The following SNRNP200 variants were observed in gnomAD, a reference collection of about 807,000 sequenced individuals.
SNRNP200 encodes U5 small nuclear ribonucleoprotein 200 kDa helicase.
In SNRNP200, 66 loss-of-function variants were observed where a neutral mutation model predicts 255.2. The ratio of observed to expected loss-of-function variants is 0.26; its 90% CI spans 0.21 to 0.32. SNRNP200 has a LOEUF of 0.32. SNRNP200 is among the 10% of genes least tolerant of loss of function. The pLI, the probability that SNRNP200 is intolerant of heterozygous loss-of-function variation, is 1.00. For missense variants in SNRNP200, 1,585 were observed against 2,749.8 expected, an observed-to-expected ratio of 0.58 and a Z score of 9.47; for synonymous variants, 939 against 1,027.8, an observed-to-expected ratio of 0.91 and a Z score of 1.65.
chr2:96,305,393 C>A lies in SNRNP200; in HGVS notation c.45G>T (p.Ala15=), dbSNP rs780417175. Residue 15 remains alanine (A), a splice_region_variant and synonymous_variant, in exon 1 of 45, where the codon GCG becomes GCT. Transcript: ENST00000323853. ...TARSLQYEYK[A]NSNLVLQADR... ...AATCCTTCCCCAAGACCAAACGCACCGCCTTGTACTCGTATTGCAGACTAC... is the reference window on the plus strand; with the variant it reads ...AATCCTTCCCCAAGACCAAACGCACAGCCTTGTACTCGTATTGCAGACTAC... 6.8e-6 allele frequency: 11 copies of A among 1,614,086 alleles called. No individual in the cohort carries two copies. The Admixed American group carries it at 1.3e-4, about 20-fold the overall frequency.
At chr2:96,284,664 G>T in intron 30 of SNRNP200, 79 bp from the exon 31 acceptor site, 2 of 984,766 alleles carry the variant, frequency 2.0e-6, no homozygotes, top group Non-Finnish European at 3.2e-6. Context: ...AACCTGAGAT[G>T]CCAAACAGAC....
chr2:96,275,493 T>G, intron 43 of SNRNP200, 144 bp from the exon 44 acceptor site: 2 of 749,736 alleles, frequency 2.7e-6, no homozygotes, highest in African/African-American at 3.5e-5. Flanking sequence ...GATTTAACAT[T>G]TTAATACTAT....
At position 96,283,744 on chromosome 2, in the gene SNRNP200, G is replaced by C; in HGVS notation, c.4585-31C>G. The C allele has an allele frequency of 6.2e-7, 1 of 1,614,016 alleles. No homozygotes were observed. The highest frequency in any genetic ancestry group is 8.5e-7 in the Non-Finnish European group (1 of 1,180,026). Reference sequence around the variant, plus strand: ...GACCGGGGAGAAGAAAAGACACCAAGGTTATCAGACCTGGGTCACTCAGGA... The same window carrying C: ...GACCGGGGAGAAGAAAAGACACCAACGTTATCAGACCTGGGTCACTCAGGA... On this transcript the variant is annotated intron_variant, in intron 32 of 44. Transcript: ENST00000323853. The surrounding 1 kb of genome is among the most constrained non-coding windows in gnomAD (Gnocchi z 4.7).
In SNRNP200 at chr2:96,278,721, C is replaced by T. The variant is rs774211595; in HGVS notation, c.5324-10G>A. 17 of 1,614,012 alleles carry T rather than the reference C, an allele frequency of 1.1e-5. No homozygotes were observed. The highest frequency in any genetic ancestry group is 5.0e-5 in the Admixed American group (3 of 59,988). On this transcript the variant is annotated splice_polypyrimidine_tract_variant and intron_variant, in intron 37 of 44. Coordinates refer to ENST00000323853, the MANE Select transcript of SNRNP200 (RefSeq NM_014014.5). The surrounding 1 kb of genome is among the most constrained non-coding windows in gnomAD (Gnocchi z 6.9). Reference sequence around the variant, plus strand: ...TGACGATGGGAGATGCCTATGGAGGCGAGAGGTGAGTGGGGAGCCTCAAGA... The same window carrying T: ...TGACGATGGGAGATGCCTATGGAGGTGAGAGGTGAGTGGGGAGCCTCAAGA...
At chr2:96,282,045 T>C (rs1684769914) in intron 34 of SNRNP200, 123 bp from the exon 35 acceptor site, 4 of 730,658 alleles carry the variant, frequency 5.5e-6, no homozygotes. Flanking sequence ...CAAGGCTGGC[T>C]AGGAACAAGG....
At chr2:96,288,778 C>A (rs2104347139) in intron 23 of SNRNP200, 32 bp from the exon 24 acceptor site, 1 of 1,568,624 alleles carries the variant, frequency 6.4e-7, no homozygotes, top group Admixed American at 1.7e-5. Context: ...CAGCAGGAGA[C>A]CAATCACTGA....
chr2:96,279,539 T>C lies in SNRNP200; in HGVS notation c.5045A>G (p.Tyr1682Cys), dbSNP rs1439834954. The change falls in exon 36 of 45, where the codon TAT becomes TGT. Residue 1682 changes from tyrosine (Y) to cysteine (C), a missense_variant. Coordinates refer to ENST00000323853, the MANE Select transcript of SNRNP200 (RefSeq NM_014014.5). ...GTGGCCCACCATCTGAAGCACGTCA[T>C]AGATGGGGTAATCCACATAGCTGGT... ...KIHAYVDYPI[Y>C]DVLQMVGHAN... 1.2e-6 allele frequency: 2 copies of C among 1,612,724 alleles called. No individual in the cohort carries two copies. The highest frequency in any genetic ancestry group is 1.7e-5 in the Admixed American group (1 of 60,006).
chr2:96,304,644 G>C, intron 2 of SNRNP200, 61 bp downstream of exon 2: 1 of 1,604,508 alleles, frequency 6.2e-7, no homozygotes, highest in Non-Finnish European at 8.5e-7. Context: ...AATGCTGCTC[G>C]AATGTTAAAG....
At chr2:96,299,033 C>T in intron 6 of SNRNP200, 66 bp from the exon 7 acceptor site, 1 of 1,600,846 alleles carries the variant, frequency 6.2e-7, no homozygotes, top group Non-Finnish European at 8.5e-7. Context: ...TGCCACCACC[C>T]TGCAACCAAG....
At position 96,283,590 on chromosome 2, in the gene SNRNP200, G is replaced by A. The variant is rs201501591; in HGVS notation, c.4708C>T (p.Arg1570Cys). 1.9e-5 allele frequency: 30 copies of A among 1,614,018 alleles called. No homozygotes were observed. The highest frequency in any genetic ancestry group is 2.7e-5 in the African/African-American group (2 of 74,934). The change falls in exon 33 of 45, where the codon CGC becomes TGC. Residue 1570 changes from arginine (R) to cysteine (C), a missense_variant. Transcript: ENST00000323853. This position sits in a 1 kb window ranked among gnomAD's most constrained non-coding sequence, Gnocchi z 4.7. ...IVFVPSRKQT[R>C]LTAIDILTTC... ...GTGAGGATGTCAATGGCAGTGAGGC[G>A]GGTCTGCTTGCGAGACGGCACAAAG...
At chr2:96,295,702 C>G in intron 13 of SNRNP200, 44 bp from the exon 14 acceptor site, 1 of 1,603,892 alleles carries the variant, frequency 6.2e-7, no homozygotes, top group African/African-American at 1.3e-5. Flanking sequence ...TTGAAGGGGC[C>G]TGGACACCAT....
chr2:96,282,489 T>C (rs933430253), intron 34 of SNRNP200: 1 of 178,544 alleles, frequency 5.6e-6, no homozygotes, highest in Non-Finnish European at 1.2e-5. Flanking sequence ...AGTCTAACTA[T>C]CTTGGTGAGA....
chr2:96,297,062 A>G lies in SNRNP200; in HGVS notation c.1386T>C (p.Leu462=), dbSNP rs1312109074. 5 of 1,614,192 alleles carry G rather than the reference A, an allele frequency of 3.1e-6. No homozygotes were observed. Among genetic ancestry groups the G allele is most frequent in the Non-Finnish European group, 3.4e-6 (4 of 1,180,046 alleles). Residue 462 remains leucine (L), a synonymous_variant, in exon 12 of 45, where the codon CTT becomes CTC. Transcript: ENST00000323853. ...CATACTTTGGCAGCTTTTCCACTGG[A>G]AGCAGTTGCTAGAAGAAAAGAAGTG... ...PKPFGSEEQL[L]PVEKLPKYAQ... is the part of the protein sequence containing the mutation.
At chr2:96,276,873 A>C (rs769717556) in intron 43 of SNRNP200, 31 bp downstream of exon 43, 8 of 1,610,500 alleles carry the variant, frequency 5.0e-6, no homozygotes, top group Non-Finnish European at 5.9e-6. Context: ...GGGTGAGTTG[A>C]CACCTGACCA....
intron 14 of SNRNP200, among the ~76,000 whole-genome samples, chr2:96,294,295 G>A (rs2063903151): frequency 6.6e-6 from 1 of 152,094 alleles, no homozygotes; most frequent in South Asian, 2.1e-4. Context: ...AAAATTAGCT[G>A]GGCATGGTGG....
Position 96,277,420 on chromosome 2 carries a change from C to T in SNRNP200, c.5931+119G>A, listed in dbSNP as rs1416250074. ...CTAGCATCTCAACAGGGAGCACCTT[C>T]GGAGGAACCATAACTAAAAGTTTAA... On this transcript the variant is annotated intron_variant, in intron 41 of 44. Coordinates refer to ENST00000323853, the MANE Select transcript of SNRNP200 (RefSeq NM_014014.5). This position sits in a 1 kb window ranked among gnomAD's most constrained non-coding sequence, Gnocchi z 4.4. The T allele has an allele frequency of 7.4e-6, 10 of 1,356,768 alleles. No homozygotes were observed. Among genetic ancestry groups the T allele is most frequent in the African/African-American group, 2.9e-5 (2 of 69,972 alleles). 84.0% of individuals were successfully genotyped at this position (1,356,768 alleles called of 1,614,324 possible).
In SNRNP200 at chr2:96,296,960, A is replaced by T. The variant is rs2063920887; in HGVS notation, c.1488T>A (p.Asp496Glu). The T allele has an allele frequency of 6.2e-7, 1 of 1,613,988 alleles. No homozygotes were observed. Among genetic ancestry groups the T allele is most frequent in the Non-Finnish European group, 8.5e-7 (1 of 1,179,918 alleles). ...SKLYRAALET[D>E]ENLLLCAPTG... is the part of the protein sequence containing the mutation. ...TAGGAGCACACAGCAGCAGATTCTC[A>T]TCCGTCTCAAGGGCAGCACGGTAGA... Residue 496 changes from aspartate (D) to glutamate (E), a missense_variant, in exon 12 of 45, where the codon GAT (aspartate) becomes GAA (glutamate). By Grantham distance (45) the Asp-to-Glu change is conservative (BLOSUM62 2). Coordinates refer to ENST00000323853, the MANE Select transcript of SNRNP200 (RefSeq NM_014014.5).
intron 24 of SNRNP200, 52 bp downstream of exon 24, chr2:96,288,611 G>A: frequency 6.8e-7 from 1 of 1,471,624 alleles, no homozygotes; most frequent in African/African-American, 1.4e-5. Context: ...AGCACACAGG[G>A]ATTGAACTGT....
Position 96,297,431 on chromosome 2 carries a change from G to A in SNRNP200, c.1309C>T (p.Arg437Cys). ...RCQLPDGSFR[R>C]QRKGYEEVHV... ...ACCTCTTCATAGCCCTTACGCTGGC[G>A]ACGGAAGGATCCATCAGGAAGCTGA... Residue 437 changes from arginine (R) to cysteine (C), a missense_variant, in exon 11 of 45, where the codon CGC (arginine) becomes TGC (cysteine). This residue lies in a region of SNRNP200 where 383 missense variants were observed against 645.3 expected (regional missense o/e 0.59). Coordinates refer to ENST00000323853, the MANE Select transcript of SNRNP200 (RefSeq NM_014014.5). 6 of 1,614,160 alleles carry A rather than the reference G, an allele frequency of 3.7e-6. No homozygotes were observed. The highest frequency in any genetic ancestry group is 1.3e-5 in the African/African-American group (1 of 75,052).
Sources: allele counts gnomAD v4.1 joint callset (sites outside exome capture counted in the v4.1 genomes callset), GRCh38; gene constraint gnomAD v4.1.1; regional missense constraint gnomAD v4.1.1; non-coding constraint Gnocchi (gnomAD v3.1); transcripts MANE v1.5; gene names NCBI Gene and HGNC (gene_info 2026-07-23, HGNC 2026-07-21).